Variants in CFAP57 observed in about 807,000 individuals in gnomAD.
CFAP57 encodes cilia- and flagella-associated protein 57.
CFAP57 carries 116 observed loss-of-function variants against 146.8 expected under a neutral mutation model. The observed-to-expected ratio is 0.79, with a 90% confidence interval of 0.68 to 0.92. The LOEUF (loss-of-function observed/expected upper bound fraction) is 0.92. Among genes scored for constraint, CFAP57 ranks in the 40% least tolerant of loss-of-function variants. The probability of loss-of-function intolerance (pLI) is 0.00; values close to 1 mark genes in which losing one functional copy is unlikely to be tolerated. For synonymous variants in CFAP57, 518 were observed against 552.8 expected (o/e 0.94, Z 0.88); for missense variants, 1,377 against 1,527.2 (o/e 0.90, Z 1.64).
intron 21 of CFAP57, among the ~76,000 whole-genome samples, chr1:43,236,367 T>C (rs1227284743): frequency 2.6e-5 from 4 of 150,976 alleles, no homozygotes; most frequent in African/African-American, 9.7e-5. Context: ...CTGGAAGATT[T>C]AAAAAAAAGA....
intron 11 of CFAP57, among the ~76,000 whole-genome samples, chr1:43,212,947 A>G (rs1176391131): frequency 2.0e-5 from 3 of 151,294 alleles, no homozygotes; most frequent in Non-Finnish European, 2.9e-5. Flanking sequence ...AAAAAAAAAA[A>G]AAAGAAAGAA....
At chr1:43,206,351 C>A in intron 9 of CFAP57, 2 of 216,492 alleles carry the variant, frequency 9.2e-6, no homozygotes, top group South Asian at 7.5e-5. Context: ...CTTACCGTGC[C>A]ATTCCAGAAG....
chr1:43,225,465 A>T (rs1645210797), intron 17 of CFAP57, among the ~76,000 whole-genome samples: 1 of 152,216 alleles, frequency 6.6e-6, no homozygotes, highest in African/African-American at 2.4e-5. Context: ...GTTTTACAGA[A>T]ATAGACAGCA....
chr1:43,240,427 A>G (rs1441305907), intron 21 of CFAP57, among the ~76,000 whole-genome samples: 3 of 152,230 alleles, frequency 2.0e-5, no homozygotes, highest in African/African-American at 7.2e-5. Flanking sequence ...GCTGGGCACC[A>G]TGGCCTTGAC....
At position 43,209,758 on chromosome 1, in the gene CFAP57, T is replaced by A. The variant is rs753114285; in HGVS notation, c.1771T>A (p.Ser591Thr). The change falls in exon 11 of 23, where the codon TCG (serine) becomes ACG (threonine). Residue 591 changes from serine to threonine, a missense_variant. Transcript: ENST00000372492. ...TGTGTCTCAGATCCTTCGAGAGATATCGGCGTTTGATGTCACCTACACCGC... is the reference window on the plus strand; with the variant it reads ...TGTGTCTCAGATCCTTCGAGAGATAACGGCGTTTGATGTCACCTACACCGC... ...IADSLILREI[S>T]AFDVTYTAIV... 2 of 1,614,112 alleles carry A rather than the reference T, an allele frequency of 1.2e-6. No individual in the cohort carries two copies. Among genetic ancestry groups the A allele is most frequent in the Admixed American group, 1.7e-5 (1 of 60,020 alleles).
chr1:43,236,590 TAAAAAAAAAAAA>T (rs764205138), intron 21 of CFAP57, among the ~76,000 whole-genome samples: 2,560 of 41,866 alleles, frequency 0.061, 70 homozygotes, highest in Middle Eastern at 0.31. Context: ...GAATAAGTGC[TAAAAAAAAAAAA>T]AAAAAAAAAA....
rs918358866 is a variant in CFAP57 at position 43,222,856 on chromosome 1, G to A, written c.2565G>A (p.Glu855=). ...AQEDVRQQLR[E]FEETKKQIEE... ...AAGACGTCAGGCAGCAGCTGCGGGA[G>A]TTTGAAGAGACCAAGAAGCAGATTG... Residue 855 remains glutamate, a synonymous_variant, in exon 16 of 23, where the codon GAG becomes GAA. Coordinates refer to ENST00000372492, the MANE Select transcript of CFAP57 (RefSeq NM_001378189.1). The A allele has an allele frequency of 6.5e-7, 1 of 1,549,482 alleles. No homozygotes were observed. The highest frequency in any genetic ancestry group is 8.7e-7 in the Non-Finnish European group (1 of 1,146,416).
intron 3 of CFAP57, 150 bp downstream of exon 3, chr1:43,182,000 C>A: frequency 2.2e-6 from 2 of 916,388 alleles, no homozygotes; most frequent in Non-Finnish European, 3.3e-6. Context: ...CAATCATTAT[C>A]CCCATTTTAC....
At chr1:43,202,393 T>C (rs1644163950) in intron 9 of CFAP57, among the ~76,000 whole-genome samples, 1 of 152,108 alleles carries the variant, frequency 6.6e-6, no homozygotes, top group African/African-American at 2.4e-5. Flanking sequence ...ACCCTTGGCA[T>C]GACTGATGAA....
chr1:43,233,733 G>T (rs1645569879), intron 19 of CFAP57, among the ~76,000 whole-genome samples: 1 of 152,178 alleles, frequency 6.6e-6, no homozygotes, highest in South Asian at 2.1e-4. Flanking sequence ...CTAGGTCAGG[G>T]TTGGGGAAGA....
intron 19 of CFAP57, among the ~76,000 whole-genome samples, chr1:43,233,329 A>G (rs1487372503): frequency 2.6e-5 from 4 of 152,202 alleles, no homozygotes; most frequent in African/African-American, 9.6e-5. Context: ...TCTCTACTAA[A>G]AATACAAAAA....
At chr1:43,207,685 G>C (rs1644415330) in intron 10 of CFAP57, among the ~76,000 whole-genome samples, 1 of 152,190 alleles carries the variant, frequency 6.6e-6, no homozygotes, top group Non-Finnish European at 1.5e-5. Context: ...GTTACATTGG[G>C]CTCCAAATAG....
Position 43,181,810 on chromosome 1 carries a change from C to G in CFAP57, c.434C>G (p.Ala145Gly). The G allele has an allele frequency of 6.2e-7, 1 of 1,614,142 alleles. No individual in the cohort carries two copies. Among genetic ancestry groups the G allele is most frequent in the Non-Finnish European group, 8.5e-7 (1 of 1,180,028 alleles). ...CTGTGGGAAAAACAGAAAGTAATGGCCATTGTTAGAATCGACACTCAGAAC... is the reference window on the plus strand; with the variant it reads ...CTGTGGGAAAAACAGAAAGTAATGGGCATTGTTAGAATCGACACTCAGAAC... ...YWLWEKQKVM[A>G]IVRIDTQNNP... is the part of the protein sequence containing the mutation. The change falls in exon 3 of 23, where the codon GCC becomes GGC. Residue 145 changes from alanine to glycine, a missense_variant. Transcript: ENST00000372492.
intron 18 of CFAP57, among the ~76,000 whole-genome samples, chr1:43,230,544 TC>T (rs964695578): frequency 2.2e-4 from 34 of 151,412 alleles, no homozygotes; most frequent in Admixed American, 5.9e-4. Context: ...CCCTCCCCTC[TC>T]CCCCCTCTTC....
intron 18 of CFAP57, among the ~76,000 whole-genome samples, chr1:43,231,618 G>T (rs1645470945): frequency 6.6e-6 from 1 of 151,490 alleles, no homozygotes; most frequent in Admixed American, 6.6e-5. Context: ...CTTTGGGAAG[G>T]CGAGGTGGGC....
At chr1:43,198,097 C>T (rs1463783013) in intron 7 of CFAP57, among the ~76,000 whole-genome samples, 1 of 152,138 alleles carries the variant, frequency 6.6e-6, no homozygotes. Context: ...CCCCAACTCC[C>T]TCCTGACTTT....
chr1:43,232,651 T>G, intron 19 of CFAP57, 27 bp downstream of exon 19: 1 of 1,484,960 alleles, frequency 6.7e-7, no homozygotes, highest in Non-Finnish European at 9.1e-7. Flanking sequence ...GTCTGGCAGT[T>G]CTTGGATTCG....
chr1:43,194,797 A>G (rs1643757585), intron 6 of CFAP57: 1 of 152,130 alleles, frequency 6.6e-6, no homozygotes, highest in African/African-American at 2.4e-5. Flanking sequence ...TTACAGTTCT[A>G]TCCCTATATT....
At chr1:43,245,064 C>CT in intron 22 of CFAP57, among the ~76,000 whole-genome samples, 1 of 152,348 alleles carries the variant, frequency 6.6e-6, no homozygotes, top group Admixed American at 6.5e-5. Context: ...AATCCCAGCA[C>CT]TTTGGGAGGC....
Sources: allele counts gnomAD v4.1 joint callset (sites outside exome capture counted in the v4.1 genomes callset), GRCh38; gene constraint gnomAD v4.1.1; transcripts MANE v1.5; gene names NCBI Gene and HGNC (gene_info 2026-07-23, HGNC 2026-07-21).